Variants in ZNF500 observed in about 807,000 individuals in gnomAD.
ZNF500 encodes zinc finger protein 500.
Under a neutral mutation model 30.1 loss-of-function variants are expected in ZNF500, and 31 were observed. The observed-to-expected ratio is 1.03, with a 90% CI of 0.77 to 1.39. The LOEUF (loss-of-function observed/expected upper bound fraction) is 1.39, where lower values mean the gene tolerates loss of function less well. ZNF500 is among the 40% of genes most tolerant of loss of function. The pLI, the probability that ZNF500 is intolerant of heterozygous loss-of-function variation, is 0.00. For missense variants in ZNF500, 817 were observed against 657.8 expected, an observed-to-expected ratio of 1.24 and a Z score of -2.65; for synonymous variants, 392 against 282.0, an observed-to-expected ratio of 1.39 and a Z score of -3.91.
chr16:4,750,100 G>C lies in ZNF500; in HGVS notation c.*2276C>G, dbSNP rs765505480. 6.6e-6 allele frequency: 1 copy of C among 152,604 alleles called. No individual in the cohort carries two copies. The highest frequency in any genetic ancestry group is 1.5e-5 in the Non-Finnish European group (1 of 68,402). The allele number at this position is 152,604 out of a possible 1,614,324, so 9.5% of individuals were successfully genotyped here. ...CCACCTCCAGCACAGGCCTGGATATGAGAGAGGGGCCTGGGGGCTCAGGCT... is the reference window on the plus strand; with the variant it reads ...CCACCTCCAGCACAGGCCTGGATATCAGAGAGGGGCCTGGGGGCTCAGGCT... On this transcript the variant is annotated 3_prime_UTR_variant, in exon 6 of 6. Coordinates refer to ENST00000219478, the MANE Select transcript of ZNF500 (RefSeq NM_021646.4).
chr16:4,746,665 C>T (rs1158645116), downstream of ZNF500: 23 of 1,118,462 alleles, frequency 2.1e-5, no homozygotes, highest in Non-Finnish European at 2.7e-5. Flanking sequence ...CTACAGTCCC[C>T]CTGGGTCCCT....
chr16:4,759,093 C>G (rs4786541), intron 5 of ZNF500, among the ~76,000 whole-genome samples: 152,018 of 152,030 alleles, frequency 1, 76,003 homozygotes, highest in East Asian at 1. Context: ...CCTGTAATCC[C>G]AGCTACTTTG....
intron 2 of ZNF500, chr16:4,764,096 G>A (rs2082236561): frequency 1.0e-6 from 1 of 985,410 alleles, no homozygotes; most frequent in Non-Finnish European, 1.2e-6. Context: ...CTGGAAGGAG[G>A]TGGAGAGGCA....
chr16:4,757,523 C>G (rs557601104), intron 5 of ZNF500, among the ~76,000 whole-genome samples: 1 of 152,230 alleles, frequency 6.6e-6, no homozygotes, highest in Non-Finnish European at 1.5e-5. Context: ...TGGTCTTGAA[C>G]TCCTGGACTC....
Position 4,752,929 on chromosome 16 carries a change from G to A in ZNF500, c.890C>T (p.Pro297Leu). Residue 297 changes from proline to leucine, a missense_variant, in exon 6 of 6, where the codon CCA (proline) becomes CTA (leucine). Pro to Leu is a moderately conservative substitution (Grantham distance 98, BLOSUM62 -3). Coordinates refer to ENST00000219478, the MANE Select transcript of ZNF500 (RefSeq NM_021646.4). The part of the protein sequence containing the change: ...GHPLPGQRPA[P>L]VRGLVRPDQP... ...ATCAGGCCTGACCAAGCCCCTGACT[G>A]GGGCTGGCCTCTGACCTGGGAGCGG... 6.2e-7 allele frequency: 1 copy of A among 1,613,334 alleles called. No homozygotes were observed. The highest frequency in any genetic ancestry group is 1.1e-5 in the South Asian group (1 of 91,082).
chr16:4,747,140 C>A (rs2082027991), downstream of ZNF500: 3 of 1,228,850 alleles, frequency 2.4e-6, no homozygotes, highest in East Asian at 4.9e-5. Context: ...ACCCACCGCA[C>A]AGGGTGAGGG....
chr16:4,751,722 G>A lies in ZNF500; in HGVS notation c.*654C>T, dbSNP rs921863. On this transcript the variant is annotated 3_prime_UTR_variant, in exon 6 of 6. Coordinates refer to ENST00000219478, the MANE Select transcript of ZNF500 (RefSeq NM_021646.4). Reference sequence around the variant, plus strand: ...AAGATGAGGTCACAGTGTATTGGGGGACCCTAAACCCAGTGAGTGGTGGCC... The same window carrying A: ...AAGATGAGGTCACAGTGTATTGGGGAACCCTAAACCCAGTGAGTGGTGGCC... 795,262 of 1,359,018 alleles carry A rather than the reference G, an allele frequency of 0.59. 235,842 individuals are homozygous for A. Among genetic ancestry groups the A allele is most frequent in the East Asian group, 0.68 (27,071 of 40,060 alleles). 84.2% of individuals were successfully genotyped at this position (1,359,018 alleles called of 1,614,324 possible). A position where few individuals can be genotyped will look rare whatever the true frequency, so the allele number is the denominator to read the frequency against.
Position 4,765,962 on chromosome 16 carries a change from C to A in ZNF500, c.17G>T (p.Gly6Val). The change falls in exon 2 of 6, where the codon GGC becomes GTC. Residue 6 changes from glycine to valine, a missense_variant. By Grantham distance (109) the Gly-to-Val change is moderately radical. Coordinates refer to ENST00000219478, the MANE Select transcript of ZNF500 (RefSeq NM_021646.4). Reference protein sequence around the residue: MATVPGLQPLPTLEQD... With the variant: MATVPVLQPLPTLEQD... ...CTCCAAGGTTGGCAGGGGCTGGAGG[C>A]CAGGGACAGTGGCCATTGCTTCCGG... The A allele has an allele frequency of 1.9e-6, 3 of 1,572,470 alleles. No individual in the cohort carries two copies. The highest frequency in any genetic ancestry group is 2.4e-5 in the South Asian group (2 of 85,020).
chr16:4,761,028 T>G (rs2082192920), intron 4 of ZNF500, among the ~76,000 whole-genome samples: 1 of 152,118 alleles, frequency 6.6e-6, no homozygotes, highest in Non-Finnish European at 1.5e-5. Context: ...AGCAAACTCT[T>G]TCCAGAACAG....
At chr16:4,754,945 A>T (rs902641469) in intron 5 of ZNF500, among the ~76,000 whole-genome samples, 1 of 151,826 alleles carries the variant, frequency 6.6e-6, no homozygotes, top group Non-Finnish European at 1.5e-5. Context: ...TTCCCATGAG[A>T]TGTGGTCGAT....
At chr16:4,755,565 C>T (rs1240683484) in intron 5 of ZNF500, among the ~76,000 whole-genome samples, 2 of 152,174 alleles carry the variant, frequency 1.3e-5, no homozygotes, top group East Asian at 3.9e-4. Context: ...GACCCAACCG[C>T]CTTGGCCTCC....
intron 5 of ZNF500, among the ~76,000 whole-genome samples, chr16:4,758,952 G>A (rs768584619): frequency 6.6e-6 from 1 of 152,220 alleles, no homozygotes; most frequent in South Asian, 2.1e-4. Flanking sequence ...GCTCACGCCT[G>A]TAATCCCAGC....
chr16:4,762,817 A>G (rs1163101240), intron 2 of ZNF500, 61 bp from the exon 3 acceptor site: 2 of 1,522,566 alleles, frequency 1.3e-6, no homozygotes, highest in Non-Finnish European at 8.8e-7. Context: ...AAATCCCCGC[A>G]GGGCCCCACA....
intron 3 of ZNF500, 41 bp from the exon 4 acceptor site, chr16:4,762,376 C>T (rs1447449528): frequency 5.7e-6 from 9 of 1,567,760 alleles, no homozygotes; most frequent in Non-Finnish European, 7.8e-6. Flanking sequence ...ACAGCTCACC[C>T]AGTACTGCCC....
At position 4,751,672 on chromosome 16, in the gene ZNF500, A is replaced by G; in HGVS notation, c.*704T>C. ...TCAGAATGTGACCTTATTTGGAAAC[A>G]CGGGTTTTGATGATATAATTAGTTA... On this transcript the variant is annotated 3_prime_UTR_variant, in exon 6 of 6. Coordinates refer to ENST00000219478, the MANE Select transcript of ZNF500 (RefSeq NM_021646.4). 6.5e-7 allele frequency: 1 copy of G among 1,527,840 alleles called. No homozygotes were observed. Among genetic ancestry groups the G allele is most frequent in the Non-Finnish European group, 8.8e-7 (1 of 1,140,022 alleles). 94.6% of individuals were successfully genotyped at this position (1,527,840 alleles called of 1,614,324 possible).
chr16:4,752,931 G>C lies in ZNF500; in HGVS notation c.888C>G (p.Ala296=). The part of the protein sequence containing the change: ...PGHPLPGQRP[A]PVRGLVRPDQ... ...CAGGCCTGACCAAGCCCCTGACTGG[G>C]GCTGGCCTCTGACCTGGGAGCGGGT... Residue 296 remains alanine (A), a synonymous_variant, in exon 6 of 6, where the codon GCC becomes GCG. Coordinates refer to ENST00000219478, the MANE Select transcript of ZNF500 (RefSeq NM_021646.4). 1 of 1,613,294 alleles carries C rather than the reference G, an allele frequency of 6.2e-7. No homozygotes were observed. The highest frequency in any genetic ancestry group is 8.5e-7 in the Non-Finnish European group (1 of 1,179,772).
chr16:4,761,740 CAACT>C (rs1453615085), intron 4 of ZNF500, among the ~76,000 whole-genome samples: 1 of 150,074 alleles, frequency 6.7e-6, no homozygotes, highest in Non-Finnish European at 1.5e-5. Context: ...CCTGTAGTCC[CAACT>C]AACTGAGGAG....
At chr16:4,757,902 ATTTTT>A (rs112830341) in intron 5 of ZNF500, among the ~76,000 whole-genome samples, 5 of 133,376 alleles carry the variant, frequency 3.7e-5, no homozygotes, top group African/African-American at 1.4e-4. Context: ...GCGCCAGCCA[ATTTTT>A]TTTTTTTTTT....
At chr16:4,747,344 A>T (rs1362784302), downstream of ZNF500, 1 of 1,573,422 alleles carries the variant, frequency 6.4e-7, no homozygotes, top group South Asian at 1.2e-5. Flanking sequence ...GTGTCACAGG[A>T]CCTGTACCGG....
Sources: gnomAD v4.1 joint callset for allele counts (sites outside exome capture counted in the v4.1 genomes callset) on GRCh38, gnomAD v4.1.1 for gene constraint, MANE v1.5 for transcripts, NCBI Gene and HGNC (gene_info 2026-07-23, HGNC 2026-07-21) for gene names.